The following PSG1 variants were observed in gnomAD, a reference collection of about 807,000 sequenced individuals.
PSG1 encodes the protein pregnancy specific beta-1-glycoprotein 1, also known as pregnancy-specific beta-1-glycoprotein 1.
In PSG1, 60 loss-of-function variants were observed where a neutral mutation model predicts 41.4. That is an observed-to-expected ratio of 1.45 (90% CI 1.18 to 1.80). The LOEUF (loss-of-function observed/expected upper bound fraction) is 1.80. Ranked by LOEUF, PSG1 falls within the 40% of genes most tolerant of loss-of-function variation. The probability of loss-of-function intolerance (pLI) is 0.00; values close to 1 mark genes in which losing one functional copy is unlikely to be tolerated. For synonymous variants in PSG1, 256 were observed against 192.9 expected (o/e 1.33, Z -2.71); for missense variants, 806 against 516.9 (o/e 1.56, Z -5.42).
chr19:42,873,779 G>A (rs1258330188), intron 2 of PSG1, among the ~76,000 whole-genome samples: 1 of 151,568 alleles, frequency 6.6e-6, no homozygotes. Flanking sequence ...AGTGATGTGT[G>A]TTATGTTAGT....
chr19:42,872,598 C>T (rs568748001), intron 2 of PSG1, among the ~76,000 whole-genome samples: 1 of 151,746 alleles, frequency 6.6e-6, no homozygotes, highest in South Asian at 2.1e-4. Flanking sequence ...GAGGTCAGTT[C>T]AGTCATCAGG....
chr19:42,875,359 A>G (rs956751211), intron 2 of PSG1, among the ~76,000 whole-genome samples: 1 of 151,780 alleles, frequency 6.6e-6, no homozygotes, highest in Non-Finnish European at 1.5e-5. Context: ...TTTTGCTAAA[A>G]TGTAGGCACA....
chr19:42,877,855 T>A, intron 2 of PSG1, 58 bp downstream of exon 2: 7 of 1,610,686 alleles, frequency 4.3e-6, no homozygotes, highest in Non-Finnish European at 5.9e-6. Flanking sequence ...ATCCTGTGTG[T>A]GTGAAGTAGA....
intron 1 of PSG1, among the ~76,000 whole-genome samples, chr19:42,879,003 T>G (rs1482299730): frequency 2.0e-5 from 3 of 151,612 alleles, no homozygotes; most frequent in African/African-American, 4.8e-5. Flanking sequence ...TGGTGGCCCC[T>G]GATGATTAAT....
chr19:42,868,388 T>C (rs766271669), intron 4 of PSG1, 33 bp from the exon 5 acceptor site: 3 of 1,580,098 alleles, frequency 1.9e-6, no homozygotes, highest in Admixed American at 3.4e-5. Context: ...ACAGGTGATG[T>C]CATCTGAGGG....
chr19:42,877,073 T>G lies in PSG1; in HGVS notation c.430+840A>C, dbSNP rs58274327. On this transcript the variant is annotated intron_variant, in intron 2 of 5. Coordinates refer to ENST00000436291, the MANE Select transcript of PSG1 (RefSeq NM_001184825.2). ...TGCTATCTGTGAATAAATGTTAAAT[T>G]ATTCACAGTCACCTGACCTAATGCT... 9.8e-4 allele frequency among the ~76,000 whole-genome samples: 148 copies of G among 151,792 alleles called. 7 individuals carry two copies. In the East Asian group the frequency reaches 0.019, roughly 20 times the overall value.
intron 2 of PSG1, among the ~76,000 whole-genome samples, chr19:42,872,788 T>TC (rs1363143673): frequency 1.3e-5 from 2 of 151,734 alleles, no homozygotes; most frequent in Non-Finnish European, 1.5e-5. Context: ...GATGCTCCCT[T>TC]CCCCCTGTAG....
chr19:42,867,268 C>T (rs988756608), intron 5 of PSG1, 118 bp from the exon 6 acceptor site: 1 of 711,816 alleles, frequency 1.4e-6, no homozygotes, highest in African/African-American at 1.7e-5. Context: ...CTACTTTTAC[C>T]AATGATAATT....
intron 2 of PSG1, 103 bp from the exon 3 acceptor site, chr19:42,872,148 A>C (rs1971421457): frequency 6.8e-7 from 1 of 1,462,930 alleles, no homozygotes; most frequent in Non-Finnish European, 9.2e-7. Flanking sequence ...AGCCCACCCA[A>C]GTCCTTAAAA....
Position 42,878,058 on chromosome 19 carries a change from A to G in PSG1, c.285T>C (p.Tyr95=), listed in dbSNP as rs707747. 193 of 1,612,340 alleles carry G rather than the reference A, an allele frequency of 1.2e-4. 6 individuals are homozygous for G. Among genetic ancestry groups the G allele is most frequent in the Non-Finnish European group, 1.4e-4 (170 of 1,179,164 alleles). ...DGEIIIYGPA[Y]SGRETAYSNA... ...TGGAATATGCTGTTTCTCGTCCACT[A>G]TATGCAGGCCCATATATAATTATTT... The change falls in exon 2 of 6, where the codon TAT becomes TAC. Residue 95 remains tyrosine, a synonymous_variant. Transcript: ENST00000436291.
At chr19:42,868,562 G>T (rs1971238286) in intron 4 of PSG1, among the ~76,000 whole-genome samples, 194 bp downstream of exon 4, 1 of 151,202 alleles carries the variant, frequency 6.6e-6, no homozygotes, top group African/African-American at 2.4e-5. Flanking sequence ...CATGATAAGA[G>T]CATCCCCTCC....
Position 42,879,574 on chromosome 19 carries a change from G to C in PSG1, c.8C>G (p.Thr3Ser), listed in dbSNP as rs1430152726. MG[T>S]LSAPPCTQRI... ...CTGTGTGCAGGGAGGGGCTGAGAGG[G>C]TTCCCATGGTCTCTGCTGCTTGTGT... The change falls in exon 1 of 6, where the codon ACC (threonine) becomes AGC (serine). Residue 3 changes from threonine to serine, a missense_variant. Transcript: ENST00000436291. 3.1e-6 allele frequency: 5 copies of C among 1,610,532 alleles called. No individual in the cohort carries two copies. Among genetic ancestry groups the C allele is most frequent in the Non-Finnish European group, 3.4e-6 (4 of 1,178,204 alleles).
At position 42,869,410 on chromosome 19, in the gene PSG1, T is replaced by G. The variant is rs191184574; in HGVS notation, c.710-376A>C. The G allele has an allele frequency of 1.3e-5, 4 of 309,760 alleles. No individual in the cohort carries two copies. The East Asian group carries it at 2.5e-4, about 20-fold the overall frequency. 19.2% of individuals were successfully genotyped at this position (309,760 alleles called of 1,614,324 possible). Reference sequence around the variant, plus strand: ...ACTGCTGGGCCCCTTCCAAATTCCATCCTACTTTGTCCCCCTAGATGTGAT... The same window carrying G: ...ACTGCTGGGCCCCTTCCAAATTCCAGCCTACTTTGTCCCCCTAGATGTGAT... On this transcript the variant is annotated intron_variant, in intron 3 of 5. Transcript: ENST00000436291.
intron 2 of PSG1, 53 bp from the exon 3 acceptor site, chr19:42,872,098 A>T: frequency 1.3e-6 from 2 of 1,572,054 alleles, no homozygotes; most frequent in Admixed American, 1.8e-5. Flanking sequence ...TGATTCCTCC[A>T]AAGGCATTTT....
intron 3 of PSG1, among the ~76,000 whole-genome samples, chr19:42,871,205 G>T (rs1378227839): frequency 6.6e-6 from 1 of 151,590 alleles, no homozygotes; most frequent in African/African-American, 2.4e-5. Context: ...TAGTGATTTG[G>T]GGTATAAAGA....
At position 42,868,264 on chromosome 19, in the gene PSG1, T is replaced by C. The variant is rs1215040377; in HGVS notation, c.1080A>G (p.Pro360=). The change falls in exon 5 of 6, where the codon CCA becomes CCG. Residue 360 remains proline, a synonymous_variant. Coordinates refer to ENST00000436291, the MANE Select transcript of PSG1 (RefSeq NM_001184825.2). ...LYLSCSADSN[P]PAQYSWTINE... is the part of the protein sequence containing the mutation. ...TAATTGTCCAAGAATACTGTGCCGG[T>C]GGGTTAGAGTCCGCAGAACAGGACA... is the stretch of plus-strand genomic sequence containing the variant. 7 of 1,612,030 alleles carry C rather than the reference T, an allele frequency of 4.3e-6. No individual in the cohort carries two copies. The African/African-American group carries it at 5.4e-5, about 12-fold the overall frequency.
chr19:42,869,388 G>A (rs1600492519), intron 3 of PSG1: 3 of 362,014 alleles, frequency 8.3e-6, no homozygotes, highest in East Asian at 1.0e-4. Context: ...ATATGCAACT[G>A]CTGGGCCCCT....
chr19:42,871,375 A>C (rs914390794), intron 3 of PSG1, among the ~76,000 whole-genome samples: 61 of 151,526 alleles, frequency 4.0e-4, no homozygotes, highest in African/African-American at 1.5e-3. Context: ...GAGTAAAGAG[A>C]ATAATGTCAC....
At position 42,868,926 on chromosome 19, in the gene PSG1, C is replaced by G. The variant is rs143301512; in HGVS notation, c.818G>C (p.Trp273Ser). 0.079 allele frequency: 127,996 copies of G among 1,610,210 alleles called. 8,381 individuals carry two copies. Among genetic ancestry groups the G allele is most frequent in the Non-Finnish European group, 0.093 (109,246 of 1,178,868 alleles). ...CGGGAGGCTCTGACCATTTAGCCAC[C>G]AAATGTAGGTGTAGTTCTCACTCTT... ...EPKSENYTYIWWLNGQSLPVS... is the reference protein window; with the variant it reads ...EPKSENYTYISWLNGQSLPVS... Residue 273 changes from tryptophan to serine, a missense_variant, in exon 4 of 6, where the codon TGG becomes TCG. Trp to Ser is a radical substitution (Grantham distance 177). Coordinates refer to ENST00000436291, the MANE Select transcript of PSG1 (RefSeq NM_001184825.2).
Sources: gnomAD v4.1 joint callset for allele counts (sites outside exome capture counted in the v4.1 genomes callset) on GRCh38, gnomAD v4.1.1 for gene constraint, MANE v1.5 for transcripts, NCBI Gene and HGNC (gene_info 2026-07-23, HGNC 2026-07-21) for gene names.